LRRC7: variants seen among roughly 807,000 people sequenced by gnomAD.
LRRC7 encodes leucine rich repeat containing 7.
In LRRC7, 23 loss-of-function variants were observed where a neutral mutation model predicts 175.7. That is an observed-to-expected ratio of 0.13 (90% CI 0.09 to 0.19). The LOEUF (loss-of-function observed/expected upper bound fraction) is 0.19, where lower values mean the gene tolerates loss of function less well. Among genes scored for constraint, LRRC7 ranks in the 10% least tolerant of loss-of-function variants. LRRC7 has a pLI of 1.00. For synonymous variants in LRRC7, 685 were observed against 680.9 expected (o/e 1.01, Z -0.09); for missense variants, 1,354 against 1,904.7 (o/e 0.71, Z 5.38).
chr1:69,887,468 T>C (rs6681753), intron 7 of LRRC7, among the ~76,000 whole-genome samples: 54,561 of 143,640 alleles, frequency 0.38, 12,629 homozygotes, highest in East Asian at 0.56. Context: ...TTCAGCTCCA[T>C]CAGCTCCTTT....
At chr1:69,928,837 A>G (rs1647179889) in intron 7 of LRRC7, among the ~76,000 whole-genome samples, 1 of 152,066 alleles carries the variant, frequency 6.6e-6, no homozygotes, top group African/African-American at 2.4e-5. Context: ...ACTGTCTGGC[A>G]CTCCCTAGTG....
rs1663310612 is a variant in LRRC7, at chr1:70,082,784, T to TTTTTTTTTTTG, written c.4452+6496_4452+6497insGTTTTTTTTTT. Reference sequence around the variant, plus strand: ...TAGTCAATCTTGATACCAGTACATTTTTTTTTTTTTTTTTTTTTTTTTTTT... The same window carrying TTTTTTTTTTTG: ...TAGTCAATCTTGATACCAGTACATTTTTTTTTTTTTGTTTTTTTTTTTTTTTTTTTTTTTTT... On this transcript the variant is annotated intron_variant, in intron 24 of 26. Coordinates refer to ENST00000651989, the MANE Select transcript of LRRC7 (RefSeq NM_001370785.2). Among the ~76,000 whole-genome samples, 2 of 88,506 alleles carry TTTTTTTTTTTG rather than the reference T, an allele frequency of 2.3e-5. 1 individual carries two copies. The highest frequency in any genetic ancestry group is 2.6e-4 in the Admixed American group (2 of 7,738). The allele number at this position is 88,506 out of a possible 152,430, so 58.1% of individuals were successfully genotyped here.
chr1:69,619,758 A>G (rs957288454), intron 1 of LRRC7, among the ~76,000 whole-genome samples: 7 of 152,160 alleles, frequency 4.6e-5, no homozygotes, highest in African/African-American at 1.7e-4. Context: ...CTCAATATTT[A>G]AAAACTTCTC....
intron 1 of LRRC7, among the ~76,000 whole-genome samples, chr1:69,657,656 G>C (rs1350588121): frequency 6.6e-6 from 1 of 151,834 alleles, no homozygotes; most frequent in Admixed American, 6.6e-5. Flanking sequence ...GAGAATGTAA[G>C]AAGAGATAAA....
In LRRC7 at chr1:69,801,267, T is replaced by C. The variant is rs557318052; in HGVS notation, c.421+9107T>C. Among the ~76,000 whole-genome samples, 32 of 151,960 alleles carry C rather than the reference T, an allele frequency of 2.1e-4. No individual in the cohort carries two copies. The East Asian group carries it at 6.2e-3, about 29-fold the overall frequency. The stretch of plus-strand genomic sequence containing the variant: ...GGAGAATTCCTTCCTCCTCAAGTTT[T>C]TGGAACTGTTTCATGAGGATTGGTA... On this transcript the variant is annotated intron_variant, in intron 4 of 26. Transcript: ENST00000651989.
intron 25 of LRRC7, 53 bp from the exon 26 acceptor site, chr1:70,107,699 T>G (rs1371776811): frequency 6.7e-6 from 9 of 1,338,532 alleles, no homozygotes; most frequent in Admixed American, 5.1e-5. Flanking sequence ...TTTGTTTAAG[T>G]AGGCCTGGTT....
At chr1:69,973,655 C>A (rs761164205) in intron 8 of LRRC7, among the ~76,000 whole-genome samples, 2 of 152,096 alleles carry the variant, frequency 1.3e-5, no homozygotes, top group African/African-American at 4.8e-5. Context: ...AGTGCAGTGG[C>A]GCAATCTTGG....
At chr1:69,716,597 C>T (rs757250984) in intron 2 of LRRC7, among the ~76,000 whole-genome samples, 2 of 151,724 alleles carry the variant, frequency 1.3e-5, no homozygotes, top group Non-Finnish European at 3.0e-5. Flanking sequence ...ATAAGCCATT[C>T]ATAAATATTA....
At chr1:70,006,152 A>T (rs1655975224) in intron 11 of LRRC7, among the ~76,000 whole-genome samples, 1 of 152,200 alleles carries the variant, frequency 6.6e-6, no homozygotes, top group Non-Finnish European at 1.5e-5. Context: ...CTGGAATTTT[A>T]GAGATCATTG....
At chr1:69,660,494 T>C (rs1278159652) in intron 1 of LRRC7, among the ~76,000 whole-genome samples, 2 of 152,074 alleles carry the variant, frequency 1.3e-5, no homozygotes, top group African/African-American at 2.4e-5. Context: ...GATGTTGATA[T>C]GCAGTAAGGT....
chr1:69,815,429 G>A (rs761154854), intron 4 of LRRC7, among the ~76,000 whole-genome samples: 9 of 151,980 alleles, frequency 5.9e-5, no homozygotes, highest in Non-Finnish European at 1.2e-4. Flanking sequence ...GGTTGGCTGT[G>A]TCTTTTTTTT....
intron 25 of LRRC7, among the ~76,000 whole-genome samples, chr1:70,100,411 A>G (rs1664726240): frequency 6.6e-6 from 1 of 152,128 alleles, no homozygotes; most frequent in Non-Finnish European, 1.5e-5. Context: ...TCCAAAGACC[A>G]AACAATGTGT....
At chr1:70,015,184 A>G (rs1190206355) in intron 13 of LRRC7, among the ~76,000 whole-genome samples, 2 of 152,074 alleles carry the variant, frequency 1.3e-5, no homozygotes, top group Non-Finnish European at 2.9e-5. Flanking sequence ...ATATAATTTA[A>G]TATCAGTTAT....
At chr1:69,867,723 G>C (rs1026794070) in intron 7 of LRRC7, among the ~76,000 whole-genome samples, 1 of 152,128 alleles carries the variant, frequency 6.6e-6, no homozygotes, top group African/African-American at 2.4e-5. Flanking sequence ...AGTTTGAATT[G>C]AGAAAGGTTG....
rs1172293757 is a variant in LRRC7 at position 69,924,273 on chromosome 1, C to G, written c.648-7234C>G. ...CTTTGTTCTTTTGGCTTAGGATTGC[C>G]TTGGCGATGCGGGCTCTTTTTTGGT... On this transcript the variant is annotated intron_variant, in intron 7 of 26. Coordinates refer to ENST00000651989, the MANE Select transcript of LRRC7 (RefSeq NM_001370785.2). Among the ~76,000 whole-genome samples the G allele has an allele frequency of 5.9e-5, 9 of 152,114 alleles. No homozygotes were observed. The East Asian group carries it at 1.7e-3, about 29-fold the overall frequency.
intron 7 of LRRC7, among the ~76,000 whole-genome samples, chr1:69,847,160 A>G (rs1334184043): frequency 6.6e-6 from 1 of 152,158 alleles, no homozygotes; most frequent in Non-Finnish European, 1.5e-5. Context: ...CACAAGGATT[A>G]GGAAAGGCAT....
chr1:69,775,951 C>A (rs760578859), intron 3 of LRRC7, among the ~76,000 whole-genome samples: 16 of 152,096 alleles, frequency 1.1e-4, no homozygotes, highest in Middle Eastern at 3.2e-3. Flanking sequence ...ACCCTTATTG[C>A]CTCCTAGCCA....
chr1:70,085,103 C>CTTTT (rs1172434186), intron 24 of LRRC7, among the ~76,000 whole-genome samples: 2 of 152,002 alleles, frequency 1.3e-5, no homozygotes, highest in East Asian at 3.9e-4. Flanking sequence ...TTTCTTTTCA[C>CTTTT]TTTTTGATGG....
intron 23 of LRRC7, among the ~76,000 whole-genome samples, chr1:70,055,998 C>T (rs986670297): frequency 2.0e-5 from 3 of 152,090 alleles, no homozygotes; most frequent in African/African-American, 7.2e-5. Context: ...TGATGATGTT[C>T]CATTCACTAA....
Sources: gnomAD v4.1 joint callset for allele counts (sites outside exome capture counted in the v4.1 genomes callset) on GRCh38, gnomAD v4.1.1 for gene constraint, MANE v1.5 for transcripts, NCBI Gene and HGNC (gene_info 2026-07-23, HGNC 2026-07-21) for gene names.